The following PDSS2 variants were observed in gnomAD, a reference collection of about 807,000 sequenced individuals.
The protein encoded by PDSS2 is decaprenyl diphosphate synthase subunit 2.
Under a neutral mutation model 44.5 loss-of-function variants are expected in PDSS2, and 31 were observed. That is an observed-to-expected ratio of 0.70 (90% CI 0.52 to 0.94). The LOEUF (loss-of-function observed/expected upper bound fraction) is 0.94. Among genes scored for constraint, PDSS2 ranks in the 40% least tolerant of loss-of-function variants. The probability of loss-of-function intolerance (pLI) is 0.00; values close to 1 mark genes in which losing one functional copy is unlikely to be tolerated. For synonymous variants in PDSS2, 157 were observed against 180.3 expected (o/e 0.87, Z 1.03); for missense variants, 452 against 482.2 (o/e 0.94, Z 0.59).
intron 3 of PDSS2, among the ~76,000 whole-genome samples, chr6:107,263,602 C>T (rs192622922): frequency 2.0e-5 from 3 of 152,308 alleles, no homozygotes; most frequent in African/African-American, 7.2e-5. Flanking sequence ...CAAAAAGCTA[C>T]TACATTCCAT....
rs891727840 is a variant in PDSS2, at chr6:107,162,013, T to G, written c.1042-7236A>C. The stretch of plus-strand genomic sequence containing the variant: ...ACTCCCATTATGGCTGATTTCAAAC[T>G]GCCAAGGGTGGTGGGGTCACACAAT... On this transcript the variant is annotated intron_variant, in intron 7 of 7. Coordinates refer to ENST00000369037, the MANE Select transcript of PDSS2 (RefSeq NM_020381.4). Among the ~76,000 whole-genome samples, 3 of 152,286 alleles carry G rather than the reference T, an allele frequency of 2.0e-5. No homozygotes were observed. The East Asian group carries it at 5.8e-4, about 29-fold the overall frequency.
Position 107,375,649 on chromosome 6 carries a change from C to A in PDSS2, c.297-41317G>T, listed in dbSNP as rs573517435. Reference sequence around the variant, plus strand: ...AGAAAACAGAAGAAAGCACTACCTACCTCATTTTATGAGGCCAGCATTACC... The same window carrying A: ...AGAAAACAGAAGAAAGCACTACCTAACTCATTTTATGAGGCCAGCATTACC... On this transcript the variant is annotated intron_variant, in intron 1 of 7. Transcript: ENST00000369037. 3.3e-5 allele frequency among the ~76,000 whole-genome samples: 5 copies of A among 152,296 alleles called. No individual in the cohort carries two copies. The South Asian group carries it at 8.3e-4, about 25-fold the overall frequency.
At chr6:107,359,143 T>A (rs1287740225) in intron 1 of PDSS2, among the ~76,000 whole-genome samples, 1 of 150,450 alleles carries the variant, frequency 6.6e-6, no homozygotes, top group Non-Finnish European at 1.5e-5. Context: ...CCTGAGTAGC[T>A]GGGATTACAG....
rs766069228 is a variant in PDSS2, at chr6:107,245,634, G to T, written c.631-15C>A. Reference sequence around the variant, plus strand: ...AGTTCCACAACCTAAAAAGCAAGAAGAAAAATAAAAATAAAAAAATTTAAA... The same window carrying T: ...AGTTCCACAACCTAAAAAGCAAGAATAAAAATAAAAATAAAAAAATTTAAA... On this transcript the variant is annotated splice_polypyrimidine_tract_variant and intron_variant, in intron 3 of 7. Coordinates refer to ENST00000369037, the MANE Select transcript of PDSS2 (RefSeq NM_020381.4). 11 of 1,520,442 alleles carry T rather than the reference G, an allele frequency of 7.2e-6. No individual in the cohort carries two copies. Among genetic ancestry groups the T allele is most frequent in the Admixed American group, 1.7e-5 (1 of 57,358 alleles). 94.2% of individuals were successfully genotyped at this position (1,520,442 alleles called of 1,614,324 possible).
intron 1 of PDSS2, among the ~76,000 whole-genome samples, chr6:107,458,412 C>CAAAAAAAAAAAAAGA (rs1782121705): frequency 1.3e-5 from 1 of 78,182 alleles, no homozygotes; most frequent in Non-Finnish European, 2.5e-5. Context: ...GACTCCGTCT[C>CAAAAAAAAAAAAAGA]AAAAAAAAAA....
chr6:107,430,881 C>T (rs199533858), intron 1 of PDSS2, among the ~76,000 whole-genome samples: 1 of 152,162 alleles, frequency 6.6e-6, no homozygotes, highest in East Asian at 1.9e-4. Context: ...GCAATTTCTT[C>T]ATCTTCCTAA....
chr6:107,397,913 A>G (rs1779998435), intron 1 of PDSS2, among the ~76,000 whole-genome samples: 1 of 152,222 alleles, frequency 6.6e-6, no homozygotes, highest in Admixed American at 6.5e-5. Flanking sequence ...TTGGAAGAGA[A>G]GCATACCTCA....
intron 4 of PDSS2, among the ~76,000 whole-genome samples, chr6:107,216,248 G>A (rs1488282334): frequency 3.3e-5 from 5 of 150,692 alleles, no homozygotes; most frequent in African/African-American, 7.3e-5. Flanking sequence ...GTGAGGGGGC[G>A]GATCACCTGA....
chr6:107,318,525 T>C (rs1777275831), intron 2 of PDSS2, among the ~76,000 whole-genome samples: 2 of 151,904 alleles, frequency 1.3e-5, no homozygotes, highest in South Asian at 2.1e-4. Flanking sequence ...AGATCTGAAG[T>C]AGAAAATGAA....
chr6:107,398,732 C>G (rs1230530931), intron 1 of PDSS2, among the ~76,000 whole-genome samples: 1 of 152,218 alleles, frequency 6.6e-6, no homozygotes, highest in Non-Finnish European at 1.5e-5. Flanking sequence ...GTCAAACCAG[C>G]CCATACAACT....
chr6:107,278,385 C>G (rs574059552), intron 2 of PDSS2, among the ~76,000 whole-genome samples: 5 of 152,010 alleles, frequency 3.3e-5, no homozygotes, highest in African/African-American at 1.2e-4. Context: ...TTTAAAATTA[C>G]CGTTTAAAAA....
intron 1 of PDSS2, among the ~76,000 whole-genome samples, chr6:107,406,134 C>T (rs1287388505): frequency 6.6e-6 from 1 of 152,174 alleles, no homozygotes; most frequent in Admixed American, 6.5e-5. Flanking sequence ...CTGCCTTTGA[C>T]TTTCCCACCT....
chr6:107,293,140 T>C (rs766143665), intron 2 of PDSS2, among the ~76,000 whole-genome samples: 8 of 152,150 alleles, frequency 5.3e-5, no homozygotes, highest in Admixed American at 2.6e-4. Flanking sequence ...AGCTCTGCCA[T>C]TTTTCACTGT....
chr6:107,211,421 T>C (rs1336966390), intron 5 of PDSS2, among the ~76,000 whole-genome samples: 2 of 152,084 alleles, frequency 1.3e-5, no homozygotes, highest in African/African-American at 2.4e-5. Context: ...TAACTTTTCA[T>C]AACATGTTTT....
chr6:107,421,595 A>G lies in PDSS2; in HGVS notation c.296+37395T>C, dbSNP rs1583063527. 3.3e-5 allele frequency among the ~76,000 whole-genome samples: 5 copies of G among 152,206 alleles called. No individual in the cohort carries two copies. The South Asian group carries it at 1.0e-3, about 32-fold the overall frequency. The stretch of plus-strand genomic sequence containing the variant: ...TGTCAATCTCAAAAGGTTACGTACT[A>G]TATGACTCCATTTCTATAACATTTC... On this transcript the variant is annotated intron_variant, in intron 1 of 7. Transcript: ENST00000369037.
intron 1 of PDSS2, among the ~76,000 whole-genome samples, chr6:107,434,688 A>G (rs866960134): frequency 6.6e-6 from 1 of 152,186 alleles, no homozygotes; most frequent in South Asian, 2.1e-4. Context: ...TGATAGCACA[A>G]CAGTGTGACT....
intron 1 of PDSS2, among the ~76,000 whole-genome samples, chr6:107,416,031 G>A (rs1157064673): frequency 6.6e-6 from 1 of 152,214 alleles, no homozygotes; most frequent in East Asian, 1.9e-4. Flanking sequence ...TGAGGGCAAT[G>A]TTTGTATTTC....
chr6:107,209,141 AC>A (rs1384807871), intron 6 of PDSS2, among the ~76,000 whole-genome samples: 3 of 152,112 alleles, frequency 2.0e-5, no homozygotes, highest in Admixed American at 2.0e-4. Context: ...GCTTTGAAAA[AC>A]ATCTGCCTTT....
chr6:107,197,318 T>C (rs1307565025), intron 6 of PDSS2, among the ~76,000 whole-genome samples: 1 of 151,506 alleles, frequency 6.6e-6, no homozygotes, highest in African/African-American at 2.4e-5. Flanking sequence ...TATCTCCAGG[T>C]AGATCGTGTC....
Sources: gnomAD v4.1 joint callset for allele counts (sites outside exome capture counted in the v4.1 genomes callset) on GRCh38, gnomAD v4.1.1 for gene constraint, MANE v1.5 for transcripts, NCBI Gene and HGNC (gene_info 2026-07-23, HGNC 2026-07-21) for gene names.